Variants in ASIC1 observed in about 807,000 individuals in gnomAD.
ASIC1 encodes the protein acid-sensing ion channel 1.
A neutral mutation model predicts 63.4 loss-of-function variants in ASIC1; 21 were observed. The observed-to-expected ratio is 0.33, with a 90% confidence interval of 0.23 to 0.48. ASIC1 has a LOEUF of 0.48. Among genes scored for constraint, ASIC1 ranks in the 20% least tolerant of loss-of-function variants. The probability of loss-of-function intolerance (pLI) is 0.99; values close to 1 mark genes in which losing one functional copy is unlikely to be tolerated. For synonymous variants in ASIC1, 258 were observed against 278.2 expected, an observed-to-expected ratio of 0.93 and a Z score of 0.72; for missense variants, 478 against 695.5, an observed-to-expected ratio of 0.69 and a Z score of 3.52.
rs762883637 is a variant in ASIC1, at chr12:50,058,810, CG to C, written c.46del (p.Val16Ter). On this transcript the variant is annotated frameshift_variant, in exon 2 of 12. Transcript: ENST00000447966. LOFTEE classifies it high-confidence loss of function. ...AEEEEVGGVQ[P>X]VSIQAFASSS... Reference sequence around the variant, plus strand: ...GAGGAGGAGGTGGGTGGCGTCCAGCCGGTGAGCATCCAGGCCTTCGCCAGCA... The same window carrying C: ...GAGGAGGAGGTGGGTGGCGTCCAGCCGTGAGCATCCAGGCCTTCGCCAGCA... 2 of 1,602,414 alleles carry C rather than the reference CG, an allele frequency of 1.2e-6. No individual in the cohort carries two copies. The highest frequency in any genetic ancestry group is 1.7e-6 in the Non-Finnish European group (2 of 1,171,542).
chr12:50,058,233 A>G (rs1950465432), intron 1 of ASIC1, among the ~76,000 whole-genome samples: 1 of 152,090 alleles, frequency 6.6e-6, no homozygotes, highest in Non-Finnish European at 1.5e-5. Flanking sequence ...GTGAGGACTC[A>G]GGCTGGGCCC....
Position 50,059,202 on chromosome 12 carries a change from G to A in ASIC1, c.362+74G>A. On this transcript the variant is annotated intron_variant, in intron 2 of 11. Transcript: ENST00000447966. The surrounding 1 kb of genome is among the most constrained non-coding windows in gnomAD (Gnocchi z 4.6). ...TTCCAGTCAGGATGTCTGCCTCCCT[G>A]ACCCACCATAGAGCCCAGCCAACCC... 1 of 1,562,980 alleles carries A rather than the reference G, an allele frequency of 6.4e-7. No homozygotes were observed. Among genetic ancestry groups the A allele is most frequent in the Non-Finnish European group, 8.6e-7 (1 of 1,158,842 alleles).
At chr12:50,075,560 T>G (rs1168495167) in intron 3 of ASIC1, among the ~76,000 whole-genome samples, 4 of 152,202 alleles carry the variant, frequency 2.6e-5, no homozygotes, top group Non-Finnish European at 5.9e-5. Context: ...AGTTCTCTCT[T>G]TGCCTCATCT....
intron 3 of ASIC1, chr12:50,073,858 T>C (rs1366828234): frequency 6.5e-7 from 1 of 1,531,344 alleles, no homozygotes; most frequent in Non-Finnish European, 8.7e-7. Flanking sequence ...GCAGGTGCTG[T>C]GGGCGGTGGC....
chr12:50,073,119 G>T (rs1032102830), intron 3 of ASIC1, among the ~76,000 whole-genome samples: 1 of 152,112 alleles, frequency 6.6e-6, no homozygotes. Context: ...TGTGTCCTGG[G>T]GGGGTAGGGA....
At chr12:50,073,507 GGAGT>G (rs1950619677) in intron 3 of ASIC1, 1 of 1,440,008 alleles carries the variant, frequency 6.9e-7, no homozygotes, top group African/African-American at 1.4e-5. Flanking sequence ...GACTCTGCCT[GGAGT>G]CACATCGCCT....
At chr12:50,071,793 G>C (rs1031763666) in intron 3 of ASIC1, among the ~76,000 whole-genome samples, 1 of 152,184 alleles carries the variant, frequency 6.6e-6, no homozygotes, top group Non-Finnish European at 1.5e-5. Context: ...CTACAGGTGC[G>C]TGCCACCATA....
At chr12:50,076,634 T>C (rs757330267) in intron 3 of ASIC1, 1 of 203,708 alleles carries the variant, frequency 4.9e-6, no homozygotes, top group Non-Finnish European at 1.0e-5. Flanking sequence ...AATGTATATG[T>C]CAGGGTCCTG....
chr12:50,066,342 C>T (rs147312085), intron 3 of ASIC1, among the ~76,000 whole-genome samples: 1 of 151,860 alleles, frequency 6.6e-6, no homozygotes, highest in Non-Finnish European at 1.5e-5. Context: ...CTTCTAAGTC[C>T]GGGTTCTTTG....
At chr12:50,065,192 C>T (rs555582856) in intron 3 of ASIC1, among the ~76,000 whole-genome samples, 110 of 152,342 alleles carry the variant, frequency 7.2e-4, no homozygotes, top group Non-Finnish European at 1.3e-3. Flanking sequence ...CACCCCCAAG[C>T]TTTCCCTCAC....
At chr12:50,077,654 G>C (rs932476722) in intron 4 of ASIC1, among the ~76,000 whole-genome samples, 1 of 152,206 alleles carries the variant, frequency 6.6e-6, no homozygotes, top group South Asian at 2.1e-4. Context: ...GTCTGGTCTC[G>C]GGGGGCCTTG....
At position 50,078,724 on chromosome 12, in the gene ASIC1, C is replaced by G; in HGVS notation, c.994+147C>G. 7.3e-7 allele frequency: 1 copy of G among 1,371,184 alleles called. No homozygotes were observed. Among genetic ancestry groups the G allele is most frequent in the Admixed American group, 1.8e-5 (1 of 55,352 alleles). The allele number at this position is 1,371,184 out of a possible 1,614,324, so 84.9% of individuals were successfully genotyped here. ...GGCTCATGTCTCTCTGACCTCAGTT[C>G]CCGCCTGCACCCCCAGGGATGGGTG... is the stretch of plus-strand genomic sequence containing the variant. On this transcript the variant is annotated intron_variant, in intron 6 of 11. Transcript: ENST00000447966. This position sits in a 1 kb window ranked among gnomAD's most constrained non-coding sequence, Gnocchi z 6.0.
Position 50,078,589 on chromosome 12 carries a change from G to T in ASIC1, c.994+12G>T. On this transcript the variant is annotated intron_variant, in intron 6 of 11. Transcript: ENST00000447966. This position sits in a 1 kb window ranked among gnomAD's most constrained non-coding sequence, Gnocchi z 6.0. ...GGTGCACATGCCAGGTCAGGCCTGGGGCTCCGAGCATACTCCTGGGGTCCC... is the reference window on the plus strand; with the variant it reads ...GGTGCACATGCCAGGTCAGGCCTGGTGCTCCGAGCATACTCCTGGGGTCCC... 6.2e-7 allele frequency: 1 copy of T among 1,613,902 alleles called. No individual in the cohort carries two copies. Among genetic ancestry groups the T allele is most frequent in the Non-Finnish European group, 8.5e-7 (1 of 1,179,898 alleles).
Position 50,078,546 on chromosome 12 carries a change from G to A in ASIC1, c.963G>A (p.Glu321=). ...RIDCETRYLV[E]NCNCRMVHMP... is the part of the protein sequence containing the mutation. Reference sequence around the variant, plus strand: ...ACTGTGAGACGCGCTACCTGGTGGAGAACTGCAACTGCCGCATGGTGCACA... The same window carrying A: ...ACTGTGAGACGCGCTACCTGGTGGAAAACTGCAACTGCCGCATGGTGCACA... The change falls in exon 6 of 12, where the codon GAG becomes GAA. Residue 321 remains glutamate, a synonymous_variant. Coordinates refer to ENST00000447966, the MANE Select transcript of ASIC1 (RefSeq NM_001095.4). This position sits in a 1 kb window ranked among gnomAD's most constrained non-coding sequence, Gnocchi z 6.0. The A allele has an allele frequency of 6.2e-7, 1 of 1,614,130 alleles. No individual in the cohort carries two copies. The highest frequency in any genetic ancestry group is 8.5e-7 in the Non-Finnish European group (1 of 1,179,994).
chr12:50,060,005 G>A (rs1427995199), intron 3 of ASIC1, 51 bp downstream of exon 3: 1 of 1,596,516 alleles, frequency 6.3e-7, no homozygotes, highest in African/African-American at 1.3e-5. Flanking sequence ...AGAGGAGGAG[G>A]AGGAGACAAG....
At chr12:50,081,523 C>T (rs1950719199) in intron 11 of ASIC1, 22 bp from the exon 12 acceptor site, 1 of 1,612,498 alleles carries the variant, frequency 6.2e-7, no homozygotes, top group Non-Finnish European at 8.5e-7. Flanking sequence ...TAACCCGTCC[C>T]TGTCCTGTCC....
chr12:50,074,151 C>G lies in ASIC1; in HGVS notation c.559-3062C>G, dbSNP rs1950629344. On this transcript the variant is annotated intron_variant, in intron 3 of 11. Transcript: ENST00000447966. The surrounding 1 kb of genome is among the most constrained non-coding windows in gnomAD (Gnocchi z 4.2). ...TCTCTGGGGAGCCCTTTAACCTGCA[C>G]CGCTTCTACAATCGCTCCTGCCACC... The G allele has an allele frequency of 6.5e-7, 1 of 1,535,548 alleles. No individual in the cohort carries two copies. Among genetic ancestry groups the G allele is most frequent in the Non-Finnish European group, 8.7e-7 (1 of 1,146,526 alleles).
chr12:50,073,414 C>T (rs1030263445), intron 3 of ASIC1, among the ~76,000 whole-genome samples: 28 of 152,250 alleles, frequency 1.8e-4, no homozygotes, highest in African/African-American at 6.5e-4. Context: ...GCCCCAGCCA[C>T]ACTGCCACAG....
intron 3 of ASIC1, among the ~76,000 whole-genome samples, chr12:50,066,518 C>T (rs954465076): frequency 6.6e-6 from 1 of 152,140 alleles, no homozygotes; most frequent in African/African-American, 2.4e-5. Context: ...CATCATCAGG[C>T]CAAGTGCCAA....
Sources: gnomAD v4.1 joint callset for allele counts (sites outside exome capture counted in the v4.1 genomes callset) on GRCh38, gnomAD v4.1.1 for gene constraint, Gnocchi (gnomAD v3.1) non-coding constraint, MANE v1.5 for transcripts, NCBI Gene and HGNC (gene_info 2026-07-23, HGNC 2026-07-21) for gene names.